The following THOC2 variants were observed in gnomAD, a reference collection of about 807,000 sequenced individuals.
THOC2 encodes THO complex subunit 2.
In THOC2, 10 loss-of-function variants were observed where a neutral mutation model predicts 128.4. The ratio of observed to expected loss-of-function variants is 0.08; its 90% CI spans 0.05 to 0.13. The LOEUF (loss-of-function observed/expected upper bound fraction) is 0.13, where lower values mean the gene tolerates loss of function less well. Ranked by LOEUF, THOC2 falls within the 10% of genes least tolerant of loss-of-function variation. The pLI, the probability that THOC2 is intolerant of heterozygous loss-of-function variation, is 1.00. For missense variants in THOC2, 535 were observed against 1,155.7 expected (o/e 0.46, Z 7.79); for synonymous variants, 393 against 396.9 (o/e 0.99, Z 0.12).
chrX:123,690,694 A>G (rs2050185388), intron 7 of THOC2, among the ~76,000 whole-genome samples: 1 of 112,002 alleles, frequency 8.9e-6, no homozygotes, highest in South Asian at 3.7e-4. Context: ...TCAGGCAAGA[A>G]AACGGAATTA....
At chrX:123,622,686 G>T in intron 30 of THOC2, 72 bp downstream of exon 30, 1 of 801,677 alleles carries the variant, frequency 1.2e-6, no homozygotes, top group Non-Finnish European at 1.8e-6. Flanking sequence ...GACCAACCCC[G>T]TCTCAAAAAA....
chrX:123,647,779 T>C (rs1377423290), intron 12 of THOC2, among the ~76,000 whole-genome samples: 1 of 97,902 alleles, frequency 1.0e-5, no homozygotes, highest in Non-Finnish European at 2.0e-5. Flanking sequence ...AGGTTGAGGT[T>C]GCAGTGAGCC....
intron 12 of THOC2, among the ~76,000 whole-genome samples, chrX:123,652,589 G>C (rs1386073027): frequency 2.7e-5 from 3 of 111,877 alleles, no homozygotes; most frequent in African/African-American, 9.8e-5. Flanking sequence ...CAAAGTCTCA[G>C]GATACAAAAT....
intron 22 of THOC2, among the ~76,000 whole-genome samples, chrX:123,629,633 C>T (rs753001251): frequency 4.5e-5 from 5 of 111,306 alleles, no homozygotes; most frequent in Admixed American, 9.6e-5. Flanking sequence ...AGAGAGCATG[C>T]TGACAACCAC....
In THOC2 at chrX:123,632,410, G is replaced by T. The variant is rs546529150; in HGVS notation, c.2316+451C>A. 1.6e-4 allele frequency among the ~76,000 whole-genome samples: 16 copies of T among 101,073 alleles called. No homozygotes were observed. The South Asian group carries it at 2.0e-3, about 13-fold the overall frequency. 87.8% of individuals were successfully genotyped at this position (101,073 alleles called of 115,157 possible). On this transcript the variant is annotated intron_variant, in intron 21 of 38. Coordinates refer to ENST00000245838, the MANE Select transcript of THOC2 (RefSeq NM_001081550.2). ...GGAGGCTGAGGTAGACTGATCACTT[G>T]AGCCAGGGAGGTCAAGGCTACAGTG...
chrX:123,631,939 A>C (rs2147638534), intron 21 of THOC2, 87 bp from the exon 22 acceptor site: 1 of 897,266 alleles, frequency 1.1e-6, no homozygotes, highest in East Asian at 3.2e-5. Context: ...TTAAGAATCC[A>C]AATTTTATAA....
chrX:123,684,533 G>A (rs943075917), intron 8 of THOC2, among the ~76,000 whole-genome samples: 1 of 111,388 alleles, frequency 9.0e-6, no homozygotes, highest in East Asian at 2.8e-4. Context: ...ACAGGTGCCC[G>A]CCACCACGCC....
chrX:123,708,147 C>CCA (rs1424718924), intron 2 of THOC2, among the ~76,000 whole-genome samples: 1 of 111,015 alleles, frequency 9.0e-6, no homozygotes, highest in Non-Finnish European at 1.9e-5. Context: ...TGACTCCTAG[C>CCA]CACAAAAAGG....
intron 16 of THOC2, 104 bp downstream of exon 16, chrX:123,640,434 C>A: frequency 3.6e-6 from 2 of 560,277 alleles, no homozygotes; most frequent in Non-Finnish European, 5.6e-6. Flanking sequence ...TTTAGCATAA[C>A]CTTACAATGT....
In THOC2 at chrX:123,649,824, G is replaced by A. The variant is rs187066016; in HGVS notation, c.1387-4449C>T. 2.9e-4 allele frequency among the ~76,000 whole-genome samples: 32 copies of A among 111,610 alleles called. No homozygotes were observed. The East Asian group carries it at 6.2e-3, about 22-fold the overall frequency. On this transcript the variant is annotated intron_variant, in intron 12 of 38. Coordinates refer to ENST00000245838, the MANE Select transcript of THOC2 (RefSeq NM_001081550.2). ...GACTATGTGAAAAGACCAAACCTACGTTTGATTGGTGTACCTGAAAGTGAC... is the reference window on the plus strand; with the variant it reads ...GACTATGTGAAAAGACCAAACCTACATTTGATTGGTGTACCTGAAAGTGAC...
At chrX:123,622,714 T>G (rs774220195) in intron 30 of THOC2, 44 bp downstream of exon 30, 3 of 956,674 alleles carry the variant, frequency 3.1e-6, no homozygotes, top group Non-Finnish European at 4.4e-6. Context: ...AAAATCATTT[T>G]TAAAAAGAAT....
At chrX:123,604,648 AC>A (rs2090756198) in intron 38 of THOC2, among the ~76,000 whole-genome samples, 2 of 111,800 alleles carry the variant, frequency 1.8e-5, no homozygotes, top group Non-Finnish European at 3.8e-5. Flanking sequence ...TAAAACACAT[AC>A]ACGCTTTTTA....
intron 12 of THOC2, among the ~76,000 whole-genome samples, chrX:123,664,252 C>T (rs2048964263): frequency 8.9e-6 from 1 of 111,773 alleles, no homozygotes. Flanking sequence ...CCATAAAAAC[C>T]CTAGAAGAAA....
chrX:123,701,198 C>CA (rs1371247907), intron 4 of THOC2, among the ~76,000 whole-genome samples: 48 of 110,906 alleles, frequency 4.3e-4, no homozygotes, highest in Non-Finnish European at 6.8e-4. Flanking sequence ...ACTAAAAATA[C>CA]AAAAAAAATT....
chrX:123,723,602 T>C (rs73547909), intron 1 of THOC2, among the ~76,000 whole-genome samples: 126 of 109,024 alleles, frequency 1.2e-3, no homozygotes, highest in African/African-American at 4.0e-3. Flanking sequence ...TGAAAATGAA[T>C]GAACTAAAAA....
At chrX:123,706,750 A>G (rs1055228623) in intron 3 of THOC2, 108 bp downstream of exon 3, 13 of 348,315 alleles carry the variant, frequency 3.7e-5, no homozygotes, top group Non-Finnish European at 6.2e-5. Flanking sequence ...AAATCCATCC[A>G]CTTCTATAAT....
chrX:123,709,486 G>A (rs1169130096), intron 2 of THOC2, among the ~76,000 whole-genome samples: 1 of 110,921 alleles, frequency 9.0e-6, no homozygotes, highest in Non-Finnish European at 1.9e-5. Context: ...GGCTACTCAG[G>A]AGGTTGAGGC....
At chrX:123,652,767 A>G (rs762259757) in intron 12 of THOC2, among the ~76,000 whole-genome samples, 16 of 111,979 alleles carry the variant, frequency 1.4e-4, no homozygotes, top group Non-Finnish European at 2.8e-4. Flanking sequence ...GCTCAAGGAA[A>G]TAAGAGAGGA....
intron 6 of THOC2, 25 bp downstream of exon 6, chrX:123,696,696 T>C: frequency 8.5e-7 from 1 of 1,183,257 alleles, no homozygotes; most frequent in Non-Finnish European, 1.1e-6. Flanking sequence ...ATACTTGATC[T>C]GCAACATAAG....
Sources: allele counts gnomAD v4.1 joint callset (sites outside exome capture counted in the v4.1 genomes callset), GRCh38; gene constraint gnomAD v4.1.1; transcripts MANE v1.5; gene names NCBI Gene and HGNC (gene_info 2026-07-23, HGNC 2026-07-21).